The following FARSA variants were observed in gnomAD, a reference collection of about 807,000 sequenced individuals.
FARSA encodes phenylalanyl-tRNA synthetase subunit alpha.
A neutral mutation model predicts 63.2 loss-of-function variants in FARSA; 37 were observed. That is an observed-to-expected ratio of 0.59 (90% CI 0.45 to 0.77). The LOEUF (loss-of-function observed/expected upper bound fraction) is 0.77, where lower values mean the gene tolerates loss of function less well. Among genes scored for constraint, FARSA ranks in the 30% least tolerant of loss-of-function variants. The pLI is 0.00. For synonymous variants in FARSA, 312 were observed against 285.1 expected, an observed-to-expected ratio of 1.09 and a Z score of -0.95; for missense variants, 618 against 696.6, an observed-to-expected ratio of 0.89 and a Z score of 1.27.
At position 12,928,925 on chromosome 19, in the gene FARSA, T is replaced by G; in HGVS notation, c.504-78A>C. 3 of 1,257,696 alleles carry G rather than the reference T, an allele frequency of 2.4e-6. No individual in the cohort carries two copies. In the South Asian group the frequency reaches 3.6e-5, roughly 15 times the overall value. The allele number at this position is 1,257,696 out of a possible 1,614,324, so 77.9% of individuals were successfully genotyped here. A position where few individuals can be genotyped will look rare whatever the true frequency, so the allele number is the denominator to read the frequency against. On this transcript the variant is annotated intron_variant, in intron 4 of 12. Coordinates refer to ENST00000314606, the MANE Select transcript of FARSA (RefSeq NM_004461.3). ...TCCTTGATCTCCCGTCTGATGAGGA[T>G]CCCCATGCTACCTACCAAGTCACTC...
At chr19:12,925,261 G>T in intron 7 of FARSA, 87 bp from the exon 8 acceptor site, 2 of 1,144,776 alleles carry the variant, frequency 1.7e-6, no homozygotes, top group Non-Finnish European at 2.5e-6. Context: ...TGTTGTCCAG[G>T]CTGGAGTGCG....
rs1197522515 is a variant in FARSA at position 12,930,251 on chromosome 19, G to A, written c.475C>T (p.Leu159=). The A allele has an allele frequency of 1.2e-6, 2 of 1,614,062 alleles. No individual in the cohort carries two copies. The highest frequency in any genetic ancestry group is 3.3e-5 in the Admixed American group (2 of 60,006). The part of the protein sequence containing the change: ...EKLGEKERSE[L]RKRKLLAEVT... ...TCAGCCAACAGCTTCCTCTTCCTCA[G>A]CTCGCTCCTCTCCTTCTCCCCCAGC... Residue 159 remains leucine, a synonymous_variant, in exon 4 of 13, where the codon CTG becomes TTG. Transcript: ENST00000314606.
intron 1 of FARSA, 41 bp from the exon 2 acceptor site, chr19:12,930,790 G>A (rs1236573313): frequency 1.3e-6 from 2 of 1,599,954 alleles, no homozygotes; most frequent in Non-Finnish European, 8.5e-7. Context: ...CAGGGGTGAG[G>A]CTCAGAGCCA....
Position 12,924,587 on chromosome 19 carries a change from C to A in FARSA, c.1195+52G>T. ...TTTGGAGGATAATGCTGGTGATCAA[C>A]ACACCTGCCCGCTGCCTCACCACCA... On this transcript the variant is annotated intron_variant, in intron 10 of 12. Coordinates refer to ENST00000314606, the MANE Select transcript of FARSA (RefSeq NM_004461.3). This position sits in a 1 kb window ranked among gnomAD's most constrained non-coding sequence, Gnocchi z 6.4. 1 of 1,612,158 alleles carries A rather than the reference C, an allele frequency of 6.2e-7. No homozygotes were observed. The highest frequency in any genetic ancestry group is 8.5e-7 in the Non-Finnish European group (1 of 1,179,158).
At chr19:12,926,623 A>G (rs1287381940) in intron 7 of FARSA, among the ~76,000 whole-genome samples, 1 of 151,674 alleles carries the variant, frequency 6.6e-6, no homozygotes, top group Non-Finnish European at 1.5e-5. Flanking sequence ...CAGTGATGCA[A>G]TCATAGCTCA....
At chr19:12,931,541 G>A (rs1293434916) in intron 1 of FARSA, among the ~76,000 whole-genome samples, 7 of 152,156 alleles carry the variant, frequency 4.6e-5, no homozygotes, top group Non-Finnish European at 1.5e-5. Context: ...GATTACAGGC[G>A]TGAGCCGCCG....
chr19:12,927,764 C>T (rs1452136524), intron 7 of FARSA, among the ~76,000 whole-genome samples: 1 of 108,518 alleles, frequency 9.2e-6, no homozygotes, highest in Non-Finnish European at 1.8e-5. Flanking sequence ...AAGCCAGGTG[C>T]GGTGGCTCAC....
chr19:12,931,279 T>C (rs1971392112), intron 1 of FARSA, among the ~76,000 whole-genome samples: 1 of 152,116 alleles, frequency 6.6e-6, no homozygotes. Flanking sequence ...ACTTTTTTTT[T>C]TTGAGACGGA....
intron 4 of FARSA, among the ~76,000 whole-genome samples, chr19:12,929,434 T>G (rs1434661920): frequency 6.6e-6 from 1 of 152,180 alleles, no homozygotes; most frequent in African/African-American, 2.4e-5. Flanking sequence ...CTCGAACTCC[T>G]GACCTCAGGT....
intron 3 of FARSA, 22 bp downstream of exon 3, chr19:12,930,405 CCT>C (rs1971378282): frequency 6.2e-7 from 1 of 1,613,226 alleles, no homozygotes; most frequent in South Asian, 1.1e-5. Flanking sequence ...CCACCTGCCC[CCT>C]GACCAGCCCG....
In FARSA at chr19:12,925,151, G is replaced by C; in HGVS notation, c.865C>G (p.Pro289Ala). 1.3e-6 allele frequency: 2 copies of C among 1,599,942 alleles called. No individual in the cohort carries two copies. Among genetic ancestry groups the C allele is most frequent in the Non-Finnish European group, 1.7e-6 (2 of 1,174,196 alleles). ...TTGACCCGCTGGACATAGTCCATTG[G>C]GAGCTGCAGGGCCTCCGCTGGATCT... Reference protein sequence around the residue: ...LRDPAEALQLPMDYVQRVKRT... With the variant: ...LRDPAEALQLAMDYVQRVKRT... Residue 289 changes from proline to alanine, a missense_variant, in exon 8 of 13, where the codon CCA (proline) becomes GCA (alanine). Pro to Ala is a conservative substitution (Grantham distance 27). Coordinates refer to ENST00000314606, the MANE Select transcript of FARSA (RefSeq NM_004461.3).
intron 2 of FARSA, 42 bp from the exon 3 acceptor site, chr19:12,930,569 C>T: frequency 6.2e-7 from 1 of 1,608,600 alleles, no homozygotes; most frequent in Non-Finnish European, 8.5e-7. Flanking sequence ...CGAGGGCCAC[C>T]TTCATCCCAT....
At chr19:12,932,038 T>TTC in intron 1 of FARSA, among the ~76,000 whole-genome samples, 1 of 140,960 alleles carries the variant, frequency 7.1e-6, no homozygotes, top group East Asian at 2.0e-4. Flanking sequence ...CTGCATAAAT[T>TTC]TTTTTTTTTT....
At position 12,928,324 on chromosome 19, in the gene FARSA, C is replaced by A; in HGVS notation, c.841+18G>T. 1 of 1,605,104 alleles carries A rather than the reference C, an allele frequency of 6.2e-7. No individual in the cohort carries two copies. Among genetic ancestry groups the A allele is most frequent in the Non-Finnish European group, 8.5e-7 (1 of 1,172,776 alleles). ...TGGTGTCTCTCATGTCTCAGGGAGG[C>A]CCTAGGGGCTGACCCACCTCGAAGG... On this transcript the variant is annotated intron_variant, in intron 7 of 12. Coordinates refer to ENST00000314606, the MANE Select transcript of FARSA (RefSeq NM_004461.3).
At chr19:12,928,287 T>A in intron 7 of FARSA, 55 bp downstream of exon 7, 1 of 1,422,632 alleles carries the variant, frequency 7.0e-7, no homozygotes, top group East Asian at 2.3e-5. Context: ...CTGTAAAGGC[T>A]CCGCCGTGGC....
At position 12,924,816 on chromosome 19, in the gene FARSA, G is replaced by A. The variant is rs368255552; in HGVS notation, c.1027-9C>T. ...ACCGGAGTGAAGGGCTTCTAGGGGT[G>A]ACAACCGAGCCAGGCCCAGGTATGG... is the stretch of plus-strand genomic sequence containing the variant. On this transcript the variant is annotated splice_polypyrimidine_tract_variant and intron_variant, in intron 9 of 12. Transcript: ENST00000314606. The surrounding 1 kb of genome is among the most constrained non-coding windows in gnomAD (Gnocchi z 6.4). 30 of 1,610,830 alleles carry A rather than the reference G, an allele frequency of 1.9e-5. No homozygotes were observed. Among genetic ancestry groups the A allele is most frequent in the Admixed American group, 5.0e-5 (3 of 59,766 alleles).
chr19:12,925,280 A>G, intron 7 of FARSA, 106 bp from the exon 8 acceptor site: 2 of 890,168 alleles, frequency 2.2e-6, no homozygotes, highest in African/African-American at 1.7e-5. Context: ...CGGTGGTGCA[A>G]TCTGGGCTTA....
At chr19:12,933,498 G>C (rs535519356) in intron 1 of FARSA, 52 bp downstream of exon 1, 6 of 1,522,782 alleles carry the variant, frequency 3.9e-6, no homozygotes, top group Non-Finnish European at 4.4e-6. Context: ...CCCGTGGCAA[G>C]GGGACTGTAG....
At position 12,924,899 on chromosome 19, in the gene FARSA, C is replaced by T. The variant is rs532102742; in HGVS notation, c.1026+5G>A. On this transcript the variant is annotated splice_donor_5th_base_variant and intron_variant, in intron 9 of 12. Coordinates refer to ENST00000314606, the MANE Select transcript of FARSA (RefSeq NM_004461.3). This position sits in a 1 kb window ranked among gnomAD's most constrained non-coding sequence, Gnocchi z 6.4. ...CACTGGGGCCCCCGCCTGGGCCAAC[C>T]GCACCTTCTGGGCAAGGCGGTAGAG... 8.7e-6 allele frequency: 14 copies of T among 1,614,092 alleles called. No individual in the cohort carries two copies. The Admixed American group carries it at 1.0e-4, about 12-fold the overall frequency.
Sources: allele counts gnomAD v4.1 joint callset (sites outside exome capture counted in the v4.1 genomes callset), GRCh38; gene constraint gnomAD v4.1.1; non-coding constraint Gnocchi (gnomAD v3.1); transcripts MANE v1.5; gene names NCBI Gene and HGNC (gene_info 2026-07-23, HGNC 2026-07-21).